Variants in SGCZ observed in about 807,000 individuals in gnomAD.
SGCZ encodes zeta-sarcoglycan.
In SGCZ, 40 loss-of-function variants were observed where a neutral mutation model predicts 41.3. The ratio of observed to expected loss-of-function variants is 0.97; its 90% confidence interval spans 0.75 to 1.26. SGCZ has a LOEUF of 1.26. Ranked by LOEUF, SGCZ falls within the 50% of genes most tolerant of loss-of-function variation. The pLI is 0.00. For missense variants in SGCZ, 552 were observed against 369.8 expected (o/e 1.49, Z -4.04); for synonymous variants, 206 against 137.5 (o/e 1.50, Z -3.49).
intron 1 of SGCZ, among the ~76,000 whole-genome samples, chr8:15,037,340 C>T (rs538752968): frequency 5.3e-5 from 8 of 152,146 alleles, no homozygotes; most frequent in Non-Finnish European, 8.8e-5. Context: ...CACCATGTGA[C>T]GAAGGATACA....
At position 14,109,964 on chromosome 8, in the gene SGCZ, C is replaced by T. The variant is rs367806879; in HGVS notation, c.548-1729G>A. ...ATAGTGTTCTCTCTTCTCTCTCTCT[C>T]TGTCGCTCCTGAGACTCTGTAGGAC... On this transcript the variant is annotated intron_variant, in intron 5 of 7. Coordinates refer to ENST00000382080, the MANE Select transcript of SGCZ (RefSeq NM_139167.4). Among the ~76,000 whole-genome samples the T allele has an allele frequency of 1.1e-4, 16 of 152,256 alleles. No individual in the cohort carries two copies. The South Asian group carries it at 3.3e-3, about 32-fold the overall frequency.
At chr8:14,680,492 C>T (rs920524720) in intron 1 of SGCZ, among the ~76,000 whole-genome samples, 1 of 151,896 alleles carries the variant, frequency 6.6e-6, no homozygotes, top group Non-Finnish European at 1.5e-5. Flanking sequence ...TTACTATGAA[C>T]TAAATACTGT....
chr8:14,192,690 T>A (rs1805142031), intron 4 of SGCZ, among the ~76,000 whole-genome samples: 2 of 152,060 alleles, frequency 1.3e-5, no homozygotes, highest in South Asian at 4.1e-4. Flanking sequence ...AGTTTCTCAA[T>A]ATTATATTTA....
chr8:14,812,599 C>G (rs1290348486), intron 1 of SGCZ, among the ~76,000 whole-genome samples: 1 of 152,016 alleles, frequency 6.6e-6, no homozygotes, highest in Non-Finnish European at 1.5e-5. Context: ...ACCTAAATGG[C>G]CTCCAAACAC....
chr8:14,689,005 A>T (rs1032313997), intron 1 of SGCZ, among the ~76,000 whole-genome samples: 32 of 152,128 alleles, frequency 2.1e-4, no homozygotes, highest in Non-Finnish European at 4.3e-4. Flanking sequence ...AAAAAAATAT[A>T]TTTAAAAAAA....
intron 1 of SGCZ, among the ~76,000 whole-genome samples, chr8:15,198,331 G>A (rs1044884096): frequency 6.6e-6 from 1 of 151,768 alleles, no homozygotes; most frequent in Non-Finnish European, 1.5e-5. Flanking sequence ...CTCAACAAGG[G>A]AAAACATCAA....
intron 3 of SGCZ, among the ~76,000 whole-genome samples, chr8:14,252,231 G>C (rs1799314740): frequency 6.6e-6 from 1 of 151,892 alleles, no homozygotes; most frequent in African/African-American, 2.4e-5. Context: ...TCTTGTGCTA[G>C]CAGTTCTTAG....
intron 1 of SGCZ, among the ~76,000 whole-genome samples, chr8:14,789,914 CAG>C (rs1585262076): frequency 6.6e-6 from 1 of 152,140 alleles, no homozygotes; most frequent in Non-Finnish European, 1.5e-5. Flanking sequence ...CCCATGAAAA[CAG>C]AGAATGTTTT....
chr8:15,036,757 T>A (rs1302981091), intron 1 of SGCZ, among the ~76,000 whole-genome samples: 1 of 151,966 alleles, frequency 6.6e-6, no homozygotes, highest in Non-Finnish European at 1.5e-5. Context: ...ACTCTGATAC[T>A]GGGTTAGGAC....
chr8:14,270,899 G>A (rs1377489836), intron 3 of SGCZ, among the ~76,000 whole-genome samples: 4 of 152,076 alleles, frequency 2.6e-5, no homozygotes, highest in African/African-American at 9.7e-5. Flanking sequence ...ACTTTGTAGG[G>A]ACATGGATGA....
At chr8:14,302,902 C>A (rs1208555361) in intron 3 of SGCZ, among the ~76,000 whole-genome samples, 1 of 152,136 alleles carries the variant, frequency 6.6e-6, no homozygotes, top group African/African-American at 2.4e-5. Flanking sequence ...TCTGAATTTT[C>A]TTTTCAATTT....
intron 1 of SGCZ, among the ~76,000 whole-genome samples, chr8:14,898,012 G>C (rs1160871877): frequency 1.3e-5 from 2 of 151,932 alleles, no homozygotes; most frequent in South Asian, 2.1e-4. Flanking sequence ...TTATTTTATA[G>C]TTGATTTACA....
At position 14,489,880 on chromosome 8, in the gene SGCZ, T is replaced by TTTTTTTTTC. The variant is rs1289497331; in HGVS notation, c.234+64851_234+64852insGAAAAAAAA. ...AAATTCTCCTACCTTTTTTTTTTTT[T>TTTTTTTTTC]TCCTGAGATGGAGTCTCGCTCTGTC... On this transcript the variant is annotated intron_variant, in intron 2 of 7. Transcript: ENST00000382080. Among the ~76,000 whole-genome samples, 303 of 148,326 alleles carry TTTTTTTTTC rather than the reference T, an allele frequency of 2.0e-3. 3 individuals carry two copies. The highest frequency in any genetic ancestry group is 6.7e-3 in the African/African-American group (268 of 40,082).
intron 1 of SGCZ, among the ~76,000 whole-genome samples, chr8:14,904,071 T>C (rs910268080): frequency 2.0e-5 from 3 of 152,108 alleles, no homozygotes; most frequent in African/African-American, 7.2e-5. Context: ...TTGATAAAGC[T>C]ATCATAGTCT....
At position 14,995,941 on chromosome 8, in the gene SGCZ, T is replaced by C. The variant is rs569269784; in HGVS notation, c.39+241644A>G. Among the ~76,000 whole-genome samples the C allele has an allele frequency of 5.9e-5, 9 of 152,250 alleles. No homozygotes were observed. In the South Asian group the frequency reaches 1.2e-3, roughly 21 times the overall value. On this transcript the variant is annotated intron_variant, in intron 1 of 7. Coordinates refer to ENST00000382080, the MANE Select transcript of SGCZ (RefSeq NM_139167.4). ...TTTTTTGAGATGGAATCTTGCTCTG[T>C]TGTCCGGGGTGGAGTGCAGTGGTGT...
intron 4 of SGCZ, among the ~76,000 whole-genome samples, chr8:14,181,855 A>G (rs761746142): frequency 2.0e-5 from 3 of 152,320 alleles, no homozygotes; most frequent in South Asian, 2.1e-4. Flanking sequence ...GCCTGAGAAC[A>G]GACTAATACA....
intron 1 of SGCZ, among the ~76,000 whole-genome samples, chr8:14,896,206 T>C (rs1805192608): frequency 6.6e-6 from 1 of 152,222 alleles, no homozygotes; most frequent in South Asian, 2.1e-4. Context: ...GTTAATTCTC[T>C]TCCTCTCATC....
At chr8:14,521,124 G>A (rs544102390) in intron 2 of SGCZ, among the ~76,000 whole-genome samples, 2 of 152,232 alleles carry the variant, frequency 1.3e-5, no homozygotes, top group East Asian at 3.9e-4. Flanking sequence ...CCAGGATACT[G>A]ACATTGAATA....
intron 1 of SGCZ, among the ~76,000 whole-genome samples, chr8:14,701,910 T>C (rs1809150115): frequency 6.6e-6 from 1 of 151,952 alleles, no homozygotes; most frequent in Admixed American, 6.6e-5. Flanking sequence ...ATCCCATGTT[T>C]AAAACGAACA....
Sources: allele counts gnomAD v4.1 joint callset (sites outside exome capture counted in the v4.1 genomes callset), GRCh38; gene constraint gnomAD v4.1.1; transcripts MANE v1.5; gene names NCBI Gene and HGNC (gene_info 2026-07-23, HGNC 2026-07-21).